CSMD1: variants seen among roughly 807,000 people sequenced by gnomAD.
The protein encoded by CSMD1 is CUB and Sushi multiple domains 1.
In CSMD1, 213 loss-of-function variants were observed where a neutral mutation model predicts 417.5. That is an observed-to-expected ratio of 0.51 (90% CI 0.46 to 0.57). The LOEUF is 0.57. CSMD1 is among the 20% of genes least tolerant of loss of function. The pLI is 0.00. For synonymous variants in CSMD1, 2,862 were observed against 1,736.8 expected (o/e 1.65, Z -16.11); for missense variants, 6,923 against 4,529.7 (o/e 1.53, Z -15.17).
chr8:2,965,725 A>T (rs368958113), intron 59 of CSMD1, 50 bp downstream of exon 59: 1 of 1,500,972 alleles, frequency 6.7e-7, no homozygotes, highest in Non-Finnish European at 9.1e-7. Flanking sequence ...GCATAATTCA[A>T]TAAAGACTTC....
At chr8:3,719,305 G>C (rs1449375411) in intron 6 of CSMD1, among the ~76,000 whole-genome samples, 5 of 152,102 alleles carry the variant, frequency 3.3e-5, no homozygotes, top group Non-Finnish European at 7.4e-5. Flanking sequence ...TAGAGGCCCA[G>C]ATAGCTGAGC....
intron 1 of CSMD1, among the ~76,000 whole-genome samples, chr8:4,863,284 C>T (rs912814807): frequency 2.6e-4 from 40 of 151,898 alleles, no homozygotes; most frequent in Admixed American, 9.8e-4. Flanking sequence ...TTTAGAACGG[C>T]GCATGGTATA....
At chr8:2,958,351 C>A (rs186142399) in intron 62 of CSMD1, among the ~76,000 whole-genome samples, 2 of 152,312 alleles carry the variant, frequency 1.3e-5, no homozygotes, top group Admixed American at 1.3e-4. Context: ...CTGTACTTTG[C>A]TTAAACTGCA....
rs373740524 is a variant in CSMD1 at position 4,577,415 on chromosome 8, C to T, written c.302+59927G>A. Among the ~76,000 whole-genome samples the T allele has an allele frequency of 2.6e-5, 4 of 152,276 alleles. No individual in the cohort carries two copies. In the South Asian group the frequency reaches 8.3e-4, roughly 32 times the overall value. ...CATCCTCTCAAGTCGGGGAAATGTT[C>T]TTGGACACTCTGCTCTCAGGAACCC... On this transcript the variant is annotated intron_variant, in intron 2 of 69. Transcript: ENST00000635120.
intron 3 of CSMD1, among the ~76,000 whole-genome samples, chr8:4,358,473 C>T (rs948371443): frequency 1.3e-5 from 2 of 152,174 alleles, no homozygotes; most frequent in African/African-American, 4.8e-5. Context: ...GCCACTGGCT[C>T]CTTTCCACAA....
chr8:3,193,003 G>T (rs1175537191), intron 33 of CSMD1, among the ~76,000 whole-genome samples: 1 of 151,848 alleles, frequency 6.6e-6, no homozygotes, highest in African/African-American at 2.4e-5. Context: ...AAAATGAAGC[G>T]CTATTGCCAG....
At chr8:4,747,813 C>T (rs1259543216) in intron 1 of CSMD1, among the ~76,000 whole-genome samples, 1 of 152,170 alleles carries the variant, frequency 6.6e-6, no homozygotes, top group Non-Finnish European at 1.5e-5. Flanking sequence ...CCAGCCAAAG[C>T]ATCATTTGTA....
intron 1 of CSMD1, among the ~76,000 whole-genome samples, chr8:4,889,274 G>T (rs1210114358): frequency 6.6e-6 from 1 of 152,040 alleles, no homozygotes; most frequent in Non-Finnish European, 1.5e-5. Flanking sequence ...AAAATCCATA[G>T]CCTAAATTGA....
intron 4 of CSMD1, among the ~76,000 whole-genome samples, chr8:4,030,933 C>G (rs747064611): frequency 6.6e-6 from 1 of 152,174 alleles, no homozygotes; most frequent in Non-Finnish European, 1.5e-5. Flanking sequence ...AAAATGCCAT[C>G]AGTCTTTTTG....
At chr8:4,874,088 G>A (rs553677094) in intron 1 of CSMD1, among the ~76,000 whole-genome samples, 17 of 152,108 alleles carry the variant, frequency 1.1e-4, no homozygotes, top group South Asian at 4.1e-4. Flanking sequence ...GGCAAGCACC[G>A]CATCAGGCCT....
At chr8:3,202,560 G>C (rs1367579721) in intron 31 of CSMD1, among the ~76,000 whole-genome samples, 2 of 152,130 alleles carry the variant, frequency 1.3e-5, no homozygotes, top group Admixed American at 6.6e-5. Flanking sequence ...GAAAACCTGT[G>C]ATTTGGTATA....
chr8:4,372,653 A>C (rs985809734), intron 3 of CSMD1, among the ~76,000 whole-genome samples: 7 of 151,586 alleles, frequency 4.6e-5, no homozygotes, highest in African/African-American at 1.2e-4. Flanking sequence ...AAAAAATCAC[A>C]AACAAAAAGC....
At chr8:4,411,807 A>C (rs2128934972) in intron 3 of CSMD1, among the ~76,000 whole-genome samples, 1 of 152,356 alleles carries the variant, frequency 6.6e-6, no homozygotes, top group East Asian at 1.9e-4. Context: ...ATATGCATTC[A>C]CATAGCTATG....
At chr8:4,742,125 G>T (rs575402023) in intron 1 of CSMD1, among the ~76,000 whole-genome samples, 1 of 141,430 alleles carries the variant, frequency 7.1e-6, no homozygotes, top group East Asian at 2.2e-4. Flanking sequence ...CCGCTTCCCG[G>T]GTTCACGCCA....
intron 23 of CSMD1, among the ~76,000 whole-genome samples, chr8:3,314,144 T>A (rs531859000): frequency 5.3e-4 from 80 of 152,106 alleles, no homozygotes; most frequent in African/African-American, 1.9e-3. Context: ...TGGGGAGGGA[T>A]AGCATTAGGA....
rs1450316228 is a variant in CSMD1 at position 2,966,088 on chromosome 8, T to C, written c.9101-134A>G. 2.2e-5 allele frequency: 16 copies of C among 720,762 alleles called. No homozygotes were observed. In the Admixed American group the frequency reaches 3.8e-4, roughly 17 times the overall value. 44.6% of individuals were successfully genotyped at this position (720,762 alleles called of 1,614,324 possible). A position where few individuals can be genotyped will look rare whatever the true frequency, so the allele number is the denominator to read the frequency against. On this transcript the variant is annotated intron_variant, in intron 58 of 69. Transcript: ENST00000635120. ...AAGCAGTGAATTAATACAGCAATAC[T>C]ACCCTCTGTGTGATGATTTCACTGA...
intron 25 of CSMD1, among the ~76,000 whole-genome samples, chr8:3,298,804 A>G (rs1804163306): frequency 6.6e-6 from 1 of 152,164 alleles, no homozygotes; most frequent in African/African-American, 2.4e-5. Context: ...TGAAGTCTTA[A>G]TAGTGATTGT....
At chr8:4,226,880 T>C (rs139232923) in intron 3 of CSMD1, among the ~76,000 whole-genome samples, 222 of 152,294 alleles carry the variant, frequency 1.5e-3, no homozygotes, top group Non-Finnish European at 1.9e-3. Flanking sequence ...GAATAAGAAA[T>C]ACATATTTGA....
intron 1 of CSMD1, among the ~76,000 whole-genome samples, chr8:4,822,223 C>T (rs1799563506): frequency 6.6e-6 from 1 of 152,062 alleles, no homozygotes; most frequent in Non-Finnish European, 1.5e-5. Context: ...TGGGGGTTTG[C>T]AACTTACTTT....
Sources: gnomAD v4.1 joint callset for allele counts (sites outside exome capture counted in the v4.1 genomes callset) on GRCh38, gnomAD v4.1.1 for gene constraint, MANE v1.5 for transcripts, NCBI Gene and HGNC (gene_info 2026-07-23, HGNC 2026-07-21) for gene names.